Variants in PHLPP1 observed in about 807,000 individuals in gnomAD.
PHLPP1 encodes the protein PH domain and leucine rich repeat protein phosphatase 1.
In PHLPP1, 42 loss-of-function variants were observed where a neutral mutation model predicts 117.2. The ratio of observed to expected loss-of-function variants is 0.36; its 90% CI spans 0.28 to 0.46. The LOEUF is 0.46. PHLPP1 is among the 20% of genes least tolerant of loss of function. The probability of loss-of-function intolerance (pLI) is 1.00; values close to 1 mark genes in which losing one functional copy is unlikely to be tolerated. For synonymous variants in PHLPP1, 1,042 were observed against 970.7 expected (o/e 1.07, Z -1.37); for missense variants, 2,084 against 2,241.9 (o/e 0.93, Z 1.42).
chr18:62,746,004 C>G (rs1911661949), intron 1 of PHLPP1, among the ~76,000 whole-genome samples: 1 of 152,018 alleles, frequency 6.6e-6, no homozygotes, highest in African/African-American at 2.4e-5. Context: ...AAATGCATGC[C>G]TAATATATGT....
intron 1 of PHLPP1, among the ~76,000 whole-genome samples, chr18:62,750,726 T>G (rs553218786): frequency 6.6e-6 from 1 of 152,004 alleles, no homozygotes; most frequent in Admixed American, 6.5e-5. Flanking sequence ...TGTTTTTTTT[T>G]TTTTACAAGC....
intron 6 of PHLPP1, among the ~76,000 whole-genome samples, chr18:62,900,646 G>A (rs983360375): frequency 6.6e-6 from 1 of 151,374 alleles, no homozygotes; most frequent in African/African-American, 2.4e-5. Flanking sequence ...TTTATTTTTT[G>A]TAGAGATGGG....
intron 3 of PHLPP1, among the ~76,000 whole-genome samples, chr18:62,848,455 A>ATTTTTTTTTGTT (rs1915237724): frequency 1.1e-5 from 1 of 88,544 alleles, no homozygotes; most frequent in Admixed American, 1.5e-4. Flanking sequence ...TTTTTTGTTG[A>ATTTTTTTTTGTT]TTTTTTTTTT....
rs761178683 is a variant in PHLPP1, at chr18:62,895,998, C to T, written c.2431C>T (p.His811Tyr). 1.2e-6 allele frequency: 2 copies of T among 1,603,650 alleles called. No homozygotes were observed. Among genetic ancestry groups the T allele is most frequent in the South Asian group, 2.2e-5 (2 of 90,800 alleles). ...TTTAAGAAAAATGCCTCACATTAAA[C>T]ATGTGGATCTAAGGTAACCATTTTT... ...QALRKMPHIK[H>Y]VDLRLNVIRK... Residue 811 changes from histidine (H) to tyrosine (Y), a missense_variant, in exon 6 of 17, where the codon CAT becomes TAT. Transcript: ENST00000262719.
At chr18:62,939,453 A>G (rs962245445) in intron 10 of PHLPP1, among the ~76,000 whole-genome samples, 10 of 152,234 alleles carry the variant, frequency 6.6e-5, no homozygotes, top group African/African-American at 2.4e-4. Flanking sequence ...TGGGATCTAA[A>G]GAAACAGACT....
intron 1 of PHLPP1, among the ~76,000 whole-genome samples, chr18:62,750,313 A>G: frequency 6.6e-6 from 1 of 152,122 alleles, no homozygotes; most frequent in Non-Finnish European, 1.5e-5. Context: ...TCATGTCCTC[A>G]TGAGGCTTTC....
Position 62,717,026 on chromosome 18 carries a change from T to C in PHLPP1, c.1343T>C (p.Leu448Pro). Residue 448 changes from leucine to proline, a missense_variant, in exon 1 of 17, where the codon CTC (leucine) becomes CCC (proline). Physicochemically the swap from Leu to Pro is moderately conservative, Grantham distance 98. Around this residue, in one of 2 missense-constraint regions of PHLPP1, gnomAD observed 719 missense variants for 636.0 expected, o/e 1.13. Coordinates refer to ENST00000262719, the MANE Select transcript of PHLPP1 (RefSeq NM_194449.4). ...KAAAAVAPGGLQSTPGRSGVT... is the reference protein window; with the variant it reads ...KAAAAVAPGGPQSTPGRSGVT... ...GCGGCAGCCGTGGCCCCGGGAGGCC[T>C]CCAGTCTACCCCCGGGAGGAGCGGG... 6.5e-7 allele frequency: 1 copy of C among 1,545,534 alleles called. No individual in the cohort carries two copies. Among genetic ancestry groups the C allele is most frequent in the Non-Finnish European group, 8.7e-7 (1 of 1,146,048 alleles).
At chr18:62,838,674 G>T in intron 2 of PHLPP1, 110 bp from the exon 3 acceptor site, 1 of 1,063,726 alleles carries the variant, frequency 9.4e-7, no homozygotes, top group East Asian at 2.4e-5. Context: ...AACATATATA[G>T]GGAAACATGC....
intron 1 of PHLPP1, among the ~76,000 whole-genome samples, chr18:62,783,508 G>C (rs896600269): frequency 6.6e-6 from 1 of 151,768 alleles, no homozygotes; most frequent in African/African-American, 2.4e-5. Context: ...GATTACAGGC[G>C]TGAGCCACCA....
intron 12 of PHLPP1, among the ~76,000 whole-genome samples, chr18:62,949,664 A>G (rs1910398357): frequency 6.6e-6 from 1 of 152,118 alleles, no homozygotes; most frequent in African/African-American, 2.4e-5. Context: ...CCACCAGTCC[A>G]GTTTTGCTTG....
At chr18:62,783,150 T>A (rs34616467) in intron 1 of PHLPP1, among the ~76,000 whole-genome samples, 14,057 of 123,292 alleles carry the variant, frequency 0.11, 806 homozygotes, top group African/African-American at 0.2. Context: ...TTCAGAGTTT[T>A]AAAAAAAAAA....
At chr18:62,725,662 T>C (rs1391886905) in intron 1 of PHLPP1, among the ~76,000 whole-genome samples, 2 of 152,174 alleles carry the variant, frequency 1.3e-5, no homozygotes, top group Admixed American at 6.5e-5. Context: ...GAAAGAAATA[T>C]CCTGCTCTCA....
chr18:62,921,143 T>C (rs1909455866), intron 10 of PHLPP1, among the ~76,000 whole-genome samples: 1 of 152,208 alleles, frequency 6.6e-6, no homozygotes, highest in Non-Finnish European at 1.5e-5. Flanking sequence ...TCAGAACCCA[T>C]GTGCATCATT....
At chr18:62,889,962 A>G (rs189894017) in intron 4 of PHLPP1, among the ~76,000 whole-genome samples, 161 of 152,200 alleles carry the variant, frequency 1.1e-3, no homozygotes, top group Non-Finnish European at 7.2e-4. Flanking sequence ...CAGGTGCCCA[A>G]TGCTACCTGG....
intron 3 of PHLPP1, chr18:62,839,725 A>ATAT (rs544168960): frequency 4.8e-5 from 7 of 145,902 alleles, no homozygotes; most frequent in African/African-American, 1.0e-4. Flanking sequence ...TTAAAAAAAA[A>ATAT]ATATATATAT....
chr18:62,730,183 C>T (rs1284493189), intron 1 of PHLPP1, among the ~76,000 whole-genome samples: 1 of 152,232 alleles, frequency 6.6e-6, no homozygotes, highest in Non-Finnish European at 1.5e-5. Context: ...GGCACATCAG[C>T]ATTTGTGAAG....
At chr18:62,848,455 ATTTTT>A (rs56223512) in intron 3 of PHLPP1, among the ~76,000 whole-genome samples, 2 of 88,548 alleles carry the variant, frequency 2.3e-5, no homozygotes, top group Admixed American at 3.0e-4. Context: ...TTTTTTGTTG[ATTTTT>A]TTTTTTTTTT....
chr18:62,801,717 G>A (rs1224345758), intron 1 of PHLPP1, among the ~76,000 whole-genome samples: 1 of 152,162 alleles, frequency 6.6e-6, no homozygotes, highest in Non-Finnish European at 1.5e-5. Flanking sequence ...CTCCCAAAGT[G>A]CTGGGATTAT....
intron 3 of PHLPP1, among the ~76,000 whole-genome samples, chr18:62,854,412 A>G (rs1423022395): frequency 6.6e-6 from 1 of 152,246 alleles, no homozygotes; most frequent in African/African-American, 2.4e-5. Flanking sequence ...TATGATGTCA[A>G]GGAATAATGC....
Sources: gnomAD v4.1 joint callset for allele counts (sites outside exome capture counted in the v4.1 genomes callset) on GRCh38, gnomAD v4.1.1 for gene constraint, gnomAD v4.1.1 regional missense constraint, MANE v1.5 for transcripts, NCBI Gene and HGNC (gene_info 2026-07-23, HGNC 2026-07-21) for gene names.